The following MAP2K6 variants were observed in gnomAD, a reference collection of about 807,000 sequenced individuals.
MAP2K6 encodes mitogen-activated protein kinase kinase 6.
MAP2K6 carries 16 observed loss-of-function variants against 53.7 expected under a neutral mutation model. The observed-to-expected ratio is 0.30, with a 90% CI of 0.20 to 0.45. The LOEUF (loss-of-function observed/expected upper bound fraction) is 0.45, where lower values mean the gene tolerates loss of function less well. Among genes scored for constraint, MAP2K6 ranks in the 20% least tolerant of loss-of-function variants. The pLI is 1.00. For synonymous variants in MAP2K6, 132 were observed against 143.1 expected (o/e 0.92, Z 0.55); for missense variants, 204 against 411.9 (o/e 0.50, Z 4.37).
chr17:69,418,465 T>C (rs1402687584), intron 1 of MAP2K6, among the ~76,000 whole-genome samples: 2 of 152,204 alleles, frequency 1.3e-5, no homozygotes. Context: ...AAACATTTCA[T>C]AGAAAAGGAA....
intron 2 of MAP2K6, among the ~76,000 whole-genome samples, chr17:69,508,121 G>A (rs2521350): frequency 0.48 from 66,376 of 138,086 alleles, 15,420 homozygotes; most frequent in Middle Eastern, 0.55. Flanking sequence ...GCGTGATCTC[G>A]GCTCACTGCA....
intron 1 of MAP2K6, among the ~76,000 whole-genome samples, chr17:69,456,878 C>G (rs1907426981): frequency 6.6e-6 from 1 of 152,200 alleles, no homozygotes; most frequent in South Asian, 2.1e-4. Context: ...TGTCCCCACG[C>G]TTCCGTTTTA....
chr17:69,515,599 T>C (rs1487464222), intron 2 of MAP2K6, among the ~76,000 whole-genome samples: 1 of 152,200 alleles, frequency 6.6e-6, no homozygotes, highest in East Asian at 1.9e-4. Flanking sequence ...ATTGAAGTGG[T>C]AGAAATAAAT....
chr17:69,486,354 T>G (rs952143579), intron 1 of MAP2K6, among the ~76,000 whole-genome samples: 4 of 152,190 alleles, frequency 2.6e-5, no homozygotes, highest in Admixed American at 2.6e-4. Context: ...AAGTTCTCCC[T>G]GTACAGAAAA....
intron 1 of MAP2K6, among the ~76,000 whole-genome samples, chr17:69,497,523 T>C (rs1330330965): frequency 9.1e-5 from 8 of 87,764 alleles, no homozygotes; most frequent in Non-Finnish European, 1.2e-4. Context: ...TCTTGTTACA[T>C]CTTTTTTTTT....
chr17:69,476,986 A>T (rs1302792047), intron 1 of MAP2K6, among the ~76,000 whole-genome samples: 1 of 152,206 alleles, frequency 6.6e-6, no homozygotes, highest in Non-Finnish European at 1.5e-5. Context: ...CAGGGGAGTC[A>T]TGCATTCAAC....
At chr17:69,467,303 C>A (rs1371675096) in intron 1 of MAP2K6, among the ~76,000 whole-genome samples, 2 of 152,334 alleles carry the variant, frequency 1.3e-5, no homozygotes, top group Admixed American at 1.3e-4. Flanking sequence ...TCAGGGAGAA[C>A]TCCTGGGATG....
At chr17:69,476,592 T>C (rs576270951) in intron 1 of MAP2K6, among the ~76,000 whole-genome samples, 2 of 152,304 alleles carry the variant, frequency 1.3e-5, no homozygotes, top group African/African-American at 4.8e-5. Context: ...CACTGATAGA[T>C]TAGGCATTCT....
At chr17:69,518,229 C>G (rs1156541209) in intron 4 of MAP2K6, among the ~76,000 whole-genome samples, 1 of 151,772 alleles carries the variant, frequency 6.6e-6, no homozygotes, top group South Asian at 2.1e-4. Flanking sequence ...ATGATACTTC[C>G]TTCATCTAAT....
intron 2 of MAP2K6, among the ~76,000 whole-genome samples, chr17:69,516,010 C>T (rs534781395): frequency 1.6e-4 from 25 of 152,226 alleles, no homozygotes; most frequent in South Asian, 4.2e-4. Flanking sequence ...CCTATATCAG[C>T]GGTCCCCAAC....
intron 2 of MAP2K6, among the ~76,000 whole-genome samples, chr17:69,514,713 C>G (rs942984891): frequency 6.6e-6 from 1 of 152,142 alleles, no homozygotes; most frequent in East Asian, 1.9e-4. Flanking sequence ...AGGTGTCCGC[C>G]ACCACGCCCG....
In MAP2K6 at chr17:69,532,931, A is replaced by AT. The variant is rs527406655; in HGVS notation, c.882-3174dup. Among the ~76,000 whole-genome samples the AT allele has an allele frequency of 1.9e-3, 285 of 150,086 alleles. 1 individual carries two copies. Among genetic ancestry groups the AT allele is most frequent in the Non-Finnish European group, 2.5e-3 (170 of 67,282 alleles). ...ATACAGAGTTAACAAAAATCTGGAG[A>AT]TTTTTTTTTTCTTTTTTGATACAGT... On this transcript the variant is annotated intron_variant, in intron 10 of 11. Transcript: ENST00000590474.
intron 1 of MAP2K6, among the ~76,000 whole-genome samples, chr17:69,478,057 T>C (rs11651488): frequency 0.29 from 43,329 of 152,026 alleles, 6,526 homozygotes; most frequent in African/African-American, 0.36. Context: ...CAGACCAAGA[T>C]TGGGTGTGTT....
intron 10 of MAP2K6, among the ~76,000 whole-genome samples, chr17:69,531,907 G>C (rs949801850): frequency 3.3e-5 from 5 of 152,256 alleles, no homozygotes; most frequent in East Asian, 3.9e-4. Context: ...CCTGCAGAAG[G>C]GTTAACAAAC....
chr17:69,536,179 G>A lies in MAP2K6; in HGVS notation c.927+19G>A, dbSNP rs369680612. ...GCTAATGGTGAGTATTGTTAGCAAC[G>A]TAAACATGACTATACTGATAGCTAC... On this transcript the variant is annotated intron_variant, in intron 11 of 11. Transcript: ENST00000590474. The A allele has an allele frequency of 1.1e-5, 18 of 1,601,182 alleles. No homozygotes were observed. In the Admixed American group the frequency reaches 1.5e-4, roughly 13 times the overall value.
chr17:69,545,862 A>T lies in MAP2K6; in HGVS notation c.*4109A>T, dbSNP rs1397048194. The T allele has an allele frequency of 6.6e-6, 1 of 152,136 alleles. No homozygotes were observed. Among genetic ancestry groups the T allele is most frequent in the Non-Finnish European group, 1.5e-5 (1 of 68,058 alleles). The allele number at this position is 152,136 out of a possible 1,614,324, so 9.4% of individuals were successfully genotyped here. A position where few individuals can be genotyped will look rare whatever the true frequency, so the allele number is the denominator to read the frequency against. On this transcript the variant is annotated 3_prime_UTR_variant, in exon 12 of 12. Coordinates refer to ENST00000590474, the MANE Select transcript of MAP2K6 (RefSeq NM_002758.4). ...ATGATGAAACCCCGTCTCTACTAAA[A>T]ATACAAAATTAGCTGGGCATGGTGG...
chr17:69,508,057 T>TTTTG (rs1242515859), intron 2 of MAP2K6, among the ~76,000 whole-genome samples: 1 of 77,122 alleles, frequency 1.3e-5, no homozygotes, highest in African/African-American at 5.1e-5. Flanking sequence ...TTTTTTTTTT[T>TTTTG]TTTTTTTTTT....
chr17:69,542,149 T>C lies in MAP2K6; in HGVS notation c.*396T>C, dbSNP rs1567863719. On this transcript the variant is annotated 3_prime_UTR_variant, in exon 12 of 12. Coordinates refer to ENST00000590474, the MANE Select transcript of MAP2K6 (RefSeq NM_002758.4). ...GTCCCATTTATTATTTTAATATTTA[T>C]GTTTAAGTGCTTGGTTGAAAAGATT... 1.3e-5 allele frequency: 2 copies of C among 152,950 alleles called. No homozygotes were observed. Among genetic ancestry groups the C allele is most frequent in the Middle Eastern group, 6.8e-3 (2 of 294 alleles). 9.5% of individuals were successfully genotyped at this position (152,950 alleles called of 1,614,324 possible). A position where few individuals can be genotyped will look rare whatever the true frequency, so the allele number is the denominator to read the frequency against.
chr17:69,465,663 A>C (rs1342737665), intron 1 of MAP2K6, among the ~76,000 whole-genome samples: 1 of 148,532 alleles, frequency 6.7e-6, no homozygotes, highest in Non-Finnish European at 1.5e-5. Flanking sequence ...CTTGTTGTCC[A>C]GGCTGGAATA....
Sources: allele counts gnomAD v4.1 joint callset (sites outside exome capture counted in the v4.1 genomes callset), GRCh38; gene constraint gnomAD v4.1.1; transcripts MANE v1.5; gene names NCBI Gene and HGNC (gene_info 2026-07-23, HGNC 2026-07-21).